ZDHHC14: variants seen among roughly 807,000 people sequenced by gnomAD.
ZDHHC14 encodes palmitoyltransferase ZDHHC14.
ZDHHC14 carries 16 observed loss-of-function variants against 47.7 expected under a neutral mutation model. That is an observed-to-expected ratio of 0.34 (90% CI 0.23 to 0.51). The LOEUF is 0.51. ZDHHC14 is among the 20% of genes least tolerant of loss of function. The probability of loss-of-function intolerance (pLI) is 0.97; values close to 1 mark genes in which losing one functional copy is unlikely to be tolerated. For missense variants in ZDHHC14, 515 were observed against 662.5 expected, an observed-to-expected ratio of 0.78 and a Z score of 2.44; for synonymous variants, 293 against 278.9, an observed-to-expected ratio of 1.05 and a Z score of -0.50.
At chr6:157,498,257 T>G in intron 1 of ZDHHC14, among the ~76,000 whole-genome samples, 1 of 131,810 alleles carries the variant, frequency 7.6e-6, no homozygotes, top group African/African-American at 3.1e-5. Flanking sequence ...GACAACATAG[T>G]GAGACCACAT....
chr6:157,603,875 A>G (rs533119082), intron 3 of ZDHHC14, among the ~76,000 whole-genome samples: 51 of 152,366 alleles, frequency 3.3e-4, no homozygotes, highest in African/African-American at 1.1e-3. Flanking sequence ...CCATTGTCCA[A>G]GGAAGGCACA....
intron 7 of ZDHHC14, among the ~76,000 whole-genome samples, chr6:157,652,291 G>A (rs896949378): frequency 6.6e-6 from 1 of 152,192 alleles, no homozygotes; most frequent in African/African-American, 2.4e-5. Flanking sequence ...CCACAGGACT[G>A]ACACGTAGGA....
At chr6:157,640,957 C>T (rs1417205692) in intron 5 of ZDHHC14, among the ~76,000 whole-genome samples, 1 of 152,212 alleles carries the variant, frequency 6.6e-6, no homozygotes, top group Non-Finnish European at 1.5e-5. Context: ...CATCCGTGTG[C>T]ATCATACACA....
intron 1 of ZDHHC14, among the ~76,000 whole-genome samples, chr6:157,422,186 T>A (rs180911612): frequency 1.4e-3 from 211 of 152,260 alleles, no homozygotes; most frequent in South Asian, 3.5e-3. Flanking sequence ...TAGTCTTAGG[T>A]TAGCTTTATT....
chr6:157,673,736 TG>T lies in ZDHHC14; in HGVS notation c.*617del, dbSNP rs1408246313. On this transcript the variant is annotated 3_prime_UTR_variant, in exon 9 of 9. Coordinates refer to ENST00000359775, the MANE Select transcript of ZDHHC14 (RefSeq NM_024630.3). This position sits in a 1 kb window ranked among gnomAD's most constrained non-coding sequence, Gnocchi z 5.4. ...TGGACAGTGTCATCACTCAGCTTACTGGGCTGAGGCGTCTGTGGAGAGGTGG... is the reference window on the plus strand; with the variant it reads ...TGGACAGTGTCATCACTCAGCTTACTGGCTGAGGCGTCTGTGGAGAGGTGG... The T allele has an allele frequency of 6.5e-6, 1 of 152,708 alleles. No homozygotes were observed. The highest frequency in any genetic ancestry group is 1.5e-5 in the Non-Finnish European group (1 of 68,058). 9.5% of individuals were successfully genotyped at this position (152,708 alleles called of 1,614,324 possible). A position where few individuals can be genotyped will look rare whatever the true frequency, so the allele number is the denominator to read the frequency against.
intron 1 of ZDHHC14, among the ~76,000 whole-genome samples, chr6:157,465,158 C>T (rs1302472634): frequency 7.6e-6 from 1 of 131,960 alleles, no homozygotes; most frequent in Non-Finnish European, 1.6e-5. Context: ...TTGGGTTGAA[C>T]CAATGAAAAA....
intron 3 of ZDHHC14, among the ~76,000 whole-genome samples, chr6:157,623,570 T>C (rs575158978): frequency 1.5e-5 from 2 of 132,658 alleles, no homozygotes; most frequent in Admixed American, 1.7e-4. Context: ...TGAGACAGAG[T>C]CTTGCTCTGT....
rs142930399 is a variant in ZDHHC14, at chr6:157,427,746, G to T, written c.245+45480G>T. 0.014 allele frequency among the ~76,000 whole-genome samples: 2,139 copies of T among 152,206 alleles called. 53 individuals carry two copies. Among genetic ancestry groups the T allele is most frequent in the African/African-American group, 0.05 (2,058 of 41,502 alleles). On this transcript the variant is annotated intron_variant, in intron 1 of 8. Transcript: ENST00000359775. This position sits in a 1 kb window ranked among gnomAD's most constrained non-coding sequence, Gnocchi z 4.4. ...GGCTGTTCCTCCTGGAGTAGTGGGA[G>T]TCAGAAACACACTGTGAGATTGACC...
intron 1 of ZDHHC14, among the ~76,000 whole-genome samples, chr6:157,522,568 G>C (rs532571105): frequency 1.4e-4 from 21 of 151,994 alleles, no homozygotes; most frequent in African/African-American, 5.1e-4. Flanking sequence ...GAAACAGAAA[G>C]CACAGCAAAC....
At position 157,502,481 on chromosome 6, in the gene ZDHHC14, G is replaced by C. The variant is rs1410019178; in HGVS notation, c.246-40104G>C. Among the ~76,000 whole-genome samples the C allele has an allele frequency of 6.6e-6, 1 of 152,164 alleles. No homozygotes were observed. The highest frequency in any genetic ancestry group is 1.5e-5 in the Non-Finnish European group (1 of 68,026). On this transcript the variant is annotated intron_variant, in intron 1 of 8. Transcript: ENST00000359775. The surrounding 1 kb of genome is among the most constrained non-coding windows in gnomAD (Gnocchi z 4.0). The stretch of plus-strand genomic sequence containing the variant: ...TTTCAAAACCTGCCTTGGAAAGAAA[G>C]TCCATGCTCAGCAACCCCAAATTTC...
At chr6:157,623,649 A>G (rs1197613626) in intron 3 of ZDHHC14, among the ~76,000 whole-genome samples, 1 of 150,482 alleles carries the variant, frequency 6.6e-6, no homozygotes, top group Non-Finnish European at 1.5e-5. Flanking sequence ...TCCTGGGTTC[A>G]AGCGGTTCTC....
chr6:157,652,593 G>A (rs764702094), intron 7 of ZDHHC14, among the ~76,000 whole-genome samples: 8 of 152,298 alleles, frequency 5.3e-5, no homozygotes, highest in Non-Finnish European at 1.0e-4. Flanking sequence ...GCCCAGCACC[G>A]TAGAGTACAG....
intron 1 of ZDHHC14, among the ~76,000 whole-genome samples, chr6:157,494,395 C>G (rs768645467): frequency 1.3e-5 from 2 of 152,176 alleles, no homozygotes; most frequent in Non-Finnish European, 2.9e-5. Flanking sequence ...TGCTTTCTGC[C>G]TAGACATCCA....
At chr6:157,505,515 G>A (rs1002580189) in intron 1 of ZDHHC14, among the ~76,000 whole-genome samples, 1 of 152,192 alleles carries the variant, frequency 6.6e-6, no homozygotes, top group Non-Finnish European at 1.5e-5. Context: ...AAATGTGACT[G>A]AGTGCAGTAG....
chr6:157,479,929 G>A (rs540813360), intron 1 of ZDHHC14, among the ~76,000 whole-genome samples: 33 of 152,304 alleles, frequency 2.2e-4, no homozygotes, highest in Non-Finnish European at 4.1e-4. Flanking sequence ...GACAGCCCTT[G>A]CTGGGTTAGA....
chr6:157,597,273 G>A (rs1784169671), intron 3 of ZDHHC14, among the ~76,000 whole-genome samples: 1 of 152,116 alleles, frequency 6.6e-6, no homozygotes, highest in Non-Finnish European at 1.5e-5. Flanking sequence ...CAAAGCATGG[G>A]CCTGTGAGAC....
intron 2 of ZDHHC14, among the ~76,000 whole-genome samples, chr6:157,562,257 C>A (rs1044404540): frequency 7.9e-5 from 12 of 152,162 alleles, no homozygotes; most frequent in African/African-American, 2.9e-4. Flanking sequence ...ACACCCACAG[C>A]CCTGGGCAAT....
chr6:157,398,293 G>A (rs920153451), intron 1 of ZDHHC14, among the ~76,000 whole-genome samples: 2 of 152,182 alleles, frequency 1.3e-5, no homozygotes, highest in Admixed American at 1.3e-4. Context: ...TGCAGTCCTG[G>A]AGGGAACCTG....
In ZDHHC14 at chr6:157,458,884, C is replaced by T. The variant is rs138022960; in HGVS notation, c.245+76618C>T. ...TTTTTTTTTTTTTGAGACGGAGTTT[C>T]GCTCTTGTTGCCCATGCTGGAGTGC... is the stretch of plus-strand genomic sequence containing the variant. On this transcript the variant is annotated intron_variant, in intron 1 of 8. Transcript: ENST00000359775. Among the ~76,000 whole-genome samples, 434 of 50,506 alleles carry T rather than the reference C, an allele frequency of 8.6e-3. 2 individuals are homozygous for T. Among genetic ancestry groups the T allele is most frequent in the Middle Eastern group, 0.021 (1 of 48 alleles). 33.1% of individuals were successfully genotyped at this position (50,506 alleles called of 152,430 possible).
Sources: allele counts gnomAD v4.1 joint callset (sites outside exome capture counted in the v4.1 genomes callset), GRCh38; gene constraint gnomAD v4.1.1; non-coding constraint Gnocchi (gnomAD v3.1); transcripts MANE v1.5; gene names NCBI Gene and HGNC (gene_info 2026-07-23, HGNC 2026-07-21).